Variants in SLC1A3 observed in about 807,000 individuals in gnomAD.
SLC1A3 encodes excitatory amino acid transporter 1.
Under a neutral mutation model 48.1 loss-of-function variants are expected in SLC1A3, and 21 were observed. The observed-to-expected ratio is 0.44, with a 90% CI of 0.31 to 0.63. The LOEUF (loss-of-function observed/expected upper bound fraction) is 0.63. Among genes scored for constraint, SLC1A3 ranks in the 20% least tolerant of loss-of-function variants. The probability of loss-of-function intolerance (pLI) is 0.08; values close to 1 mark genes in which losing one functional copy is unlikely to be tolerated. For missense variants in SLC1A3, 546 were observed against 689.0 expected (o/e 0.79, Z 2.32); for synonymous variants, 239 against 251.4 (o/e 0.95, Z 0.47).
chr5:36,684,673 G>A (rs183224594), intron 9 of SLC1A3, among the ~76,000 whole-genome samples: 16 of 152,284 alleles, frequency 1.1e-4, no homozygotes, highest in African/African-American at 3.4e-4. Context: ...GCAAAGCCTA[G>A]AACAGAGTAC....
intron 2 of SLC1A3, among the ~76,000 whole-genome samples, chr5:36,626,222 C>T (rs1739898433): frequency 6.6e-6 from 1 of 152,080 alleles, no homozygotes. Flanking sequence ...AGTGTAGGCT[C>T]AGATGAGACT....
intron 2 of SLC1A3, among the ~76,000 whole-genome samples, chr5:36,611,940 T>C (rs1365258610): frequency 6.6e-6 from 1 of 152,150 alleles, no homozygotes; most frequent in Non-Finnish European, 1.5e-5. Context: ...AAATGGGTCA[T>C]AAGATCAGCT....
intron 2 of SLC1A3, among the ~76,000 whole-genome samples, chr5:36,616,320 C>G (rs1482595763): frequency 2.6e-5 from 4 of 152,000 alleles, no homozygotes; most frequent in Admixed American, 2.6e-4. Context: ...AGTTTGAAAC[C>G]AAAAAGAGAA....
At chr5:36,602,397 G>C (rs1195383991), upstream of SLC1A3, among the ~76,000 whole-genome samples, 1 of 152,144 alleles carries the variant, frequency 6.6e-6, no homozygotes, top group Non-Finnish European at 1.5e-5. Context: ...GTGTGTAGAA[G>C]TACTTAAAAA....
chr5:36,602,392 T>G (rs184558751), upstream of SLC1A3, among the ~76,000 whole-genome samples: 62 of 152,320 alleles, frequency 4.1e-4, no homozygotes, highest in Middle Eastern at 3.4e-3. Flanking sequence ...ATAATGTGTG[T>G]AGAAGTACTT....
At chr5:36,662,501 C>G (rs2111890701) in intron 3 of SLC1A3, among the ~76,000 whole-genome samples, 1 of 152,240 alleles carries the variant, frequency 6.6e-6, no homozygotes, top group East Asian at 1.9e-4. Flanking sequence ...ATGGTGGGTC[C>G]CGCTCGCCTC....
In SLC1A3 at chr5:36,608,311, C is replaced by G; in HGVS notation, c.-95-18C>G. 1.0e-6 allele frequency: 1 copy of G among 979,416 alleles called. No homozygotes were observed. The highest frequency in any genetic ancestry group is 1.6e-6 in the Non-Finnish European group (1 of 638,384). 60.7% of individuals were successfully genotyped at this position (979,416 alleles called of 1,614,324 possible). Reference sequence around the variant, plus strand: ...CCCCTGGAGGCTATAACTCATGTCTCTTTTTCTCCCATTCTAGTTGTGTTT... The same window carrying G: ...CCCCTGGAGGCTATAACTCATGTCTGTTTTTCTCCCATTCTAGTTGTGTTT... On this transcript the variant is annotated intron_variant, in intron 1 of 9. Coordinates refer to ENST00000265113, the MANE Select transcript of SLC1A3 (RefSeq NM_004172.5).
At chr5:36,627,562 A>C (rs1020752850) in intron 2 of SLC1A3, among the ~76,000 whole-genome samples, 4 of 152,226 alleles carry the variant, frequency 2.6e-5, no homozygotes, top group Admixed American at 2.6e-4. Flanking sequence ...CATAAAAGTG[A>C]AAAATGCCAA....
chr5:36,622,703 T>C (rs775486879), intron 2 of SLC1A3, among the ~76,000 whole-genome samples: 1 of 152,148 alleles, frequency 6.6e-6, no homozygotes. Flanking sequence ...AGACGATATT[T>C]AATTTTCCAA....
At chr5:36,657,744 G>C (rs1165765759) in intron 3 of SLC1A3, among the ~76,000 whole-genome samples, 1 of 152,230 alleles carries the variant, frequency 6.6e-6, no homozygotes, top group Non-Finnish European at 1.5e-5. Context: ...CGCAATTACA[G>C]GATGGGGAAC....
intron 3 of SLC1A3, among the ~76,000 whole-genome samples, chr5:36,639,015 T>C (rs542306360): frequency 2.6e-5 from 4 of 152,316 alleles, no homozygotes; most frequent in Admixed American, 2.6e-4. Context: ...AAATGACACA[T>C]ACAAATATTG....
At chr5:36,681,819 GT>G (rs201847982) in intron 8 of SLC1A3, among the ~76,000 whole-genome samples, 33 of 152,032 alleles carry the variant, frequency 2.2e-4, no homozygotes, top group Admixed American at 8.5e-4. Context: ...TTGTTGTGGG[GT>G]TTTTTTTAAA....
At chr5:36,645,441 C>T (rs1169263533) in intron 3 of SLC1A3, among the ~76,000 whole-genome samples, 1 of 150,566 alleles carries the variant, frequency 6.6e-6, no homozygotes, top group Non-Finnish European at 1.5e-5. Flanking sequence ...ATTCTCTTCC[C>T]CAGCTGCCCA....
chr5:36,601,253 A>G (rs530887656), intron 1 of SLC1A3, among the ~76,000 whole-genome samples: 2 of 138,332 alleles, frequency 1.4e-5, no homozygotes, highest in South Asian at 2.2e-4. Context: ...ATGCCCCTCA[A>G]TAAGCTTCCT....
At chr5:36,679,897 TACCTTGAACCAGGGC>T (rs1419596043) in intron 7 of SLC1A3, 37 bp downstream of exon 7, 1 of 1,472,406 alleles carries the variant, frequency 6.8e-7, no homozygotes, top group African/African-American at 1.4e-5. Flanking sequence ...TCTGAAATGT[TACCTTGAACCAGGGC>T]CCCTCAAGTA....
At chr5:36,608,843 A>G (rs1739076323) in intron 2 of SLC1A3, 6 of 1,257,028 alleles carry the variant, frequency 4.8e-6, no homozygotes, top group African/African-American at 1.5e-5. Flanking sequence ...GTGAGGAAGA[A>G]AAATAAATAA....
intron 3 of SLC1A3, among the ~76,000 whole-genome samples, chr5:36,656,414 A>C (rs543238319): frequency 6.6e-6 from 1 of 152,334 alleles, no homozygotes; most frequent in Admixed American, 6.5e-5. Context: ...GGATCAGTTT[A>C]TAATTTTAAA....
chr5:36,632,967 G>C (rs1579974027), intron 3 of SLC1A3, among the ~76,000 whole-genome samples: 1 of 152,196 alleles, frequency 6.6e-6, no homozygotes, highest in Non-Finnish European at 1.5e-5. Context: ...CTAATGGCTA[G>C]ATTTGTACTC....
At chr5:36,646,359 C>G (rs948039399) in intron 3 of SLC1A3, among the ~76,000 whole-genome samples, 1 of 152,180 alleles carries the variant, frequency 6.6e-6, no homozygotes, top group Admixed American at 6.5e-5. Flanking sequence ...TCAGATTTAT[C>G]TTTTCTGTGT....
Sources: allele counts gnomAD v4.1 joint callset (sites outside exome capture counted in the v4.1 genomes callset), GRCh38; gene constraint gnomAD v4.1.1; transcripts MANE v1.5; gene names NCBI Gene and HGNC (gene_info 2026-07-23, HGNC 2026-07-21).